ANO3: variants seen among roughly 807,000 people sequenced by gnomAD.
ANO3 encodes the protein anoctamin 3.
ANO3 carries 99 observed loss-of-function variants against 144.8 expected under a neutral mutation model. That is an observed-to-expected ratio of 0.68 (90% CI 0.58 to 0.81). The LOEUF is 0.81. Among genes scored for constraint, ANO3 ranks in the 30% least tolerant of loss-of-function variants. ANO3 has a pLI of 0.00. For synonymous variants in ANO3, 414 were observed against 392.6 expected (o/e 1.05, Z -0.64); for missense variants, 905 against 1,202.2 (o/e 0.75, Z 3.66).
intron 18 of ANO3, among the ~76,000 whole-genome samples, chr11:26,625,615 T>A (rs1852559280): frequency 6.6e-6 from 1 of 152,202 alleles, no homozygotes; most frequent in African/African-American, 2.4e-5. Flanking sequence ...CTTATTTTTT[T>A]ACATACTTTT....
intron 18 of ANO3, among the ~76,000 whole-genome samples, chr11:26,631,645 G>A (rs1245748026): frequency 6.6e-6 from 1 of 152,172 alleles, no homozygotes; most frequent in East Asian, 1.9e-4. Flanking sequence ...GCTGAAAAAT[G>A]ACTGACACTT....
At chr11:26,295,332 C>G (rs890160852) in intron 1 of ANO3, among the ~76,000 whole-genome samples, 1 of 151,560 alleles carries the variant, frequency 6.6e-6, no homozygotes, top group Admixed American at 6.6e-5. Flanking sequence ...TCCTGGCTAA[C>G]ACGGTAAAAC....
intron 1 of ANO3, among the ~76,000 whole-genome samples, chr11:26,264,935 C>T (rs1395670676): frequency 1.3e-5 from 2 of 151,576 alleles, no homozygotes; most frequent in Non-Finnish European, 2.9e-5. Context: ...CACAATCAGC[C>T]CAAAACACTC....
Position 26,245,018 on chromosome 11 carries a change from T to TGCAC in ANO3, c.154+55689_154+55690insCACG, listed in dbSNP as rs1554928313. On this transcript the variant is annotated intron_variant, in intron 1 of 27. Transcript: ENST00000672621. ...GTGTGTGTGTGTGTGTGTGTGTGTG[T>TGCAC]GTGCATGCATGCATTTGTCTTTCAT... 1.4e-3 allele frequency among the ~76,000 whole-genome samples: 202 copies of TGCAC among 145,426 alleles called. 1 individual carries two copies. The highest frequency in any genetic ancestry group is 4.8e-3 in the African/African-American group (188 of 39,540).
At position 26,439,266 on chromosome 11, in the gene ANO3, T is replaced by C. The variant is rs544692060; in HGVS notation, c.47-2652T>C. On this transcript the variant is annotated intron_variant, in intron 1 of 26. Transcript: ENST00000256737. Reference sequence around the variant, plus strand: ...ATCTTCATGACCTTGAATTAGATAATGGTTTCATAGATACAGCACCTAAAG... The same window carrying C: ...ATCTTCATGACCTTGAATTAGATAACGGTTTCATAGATACAGCACCTAAAG... Among the ~76,000 whole-genome samples the C allele has an allele frequency of 2.6e-5, 4 of 152,228 alleles. No homozygotes were observed. The South Asian group carries it at 6.2e-4, about 24-fold the overall frequency.
intron 24 of ANO3, among the ~76,000 whole-genome samples, chr11:26,649,096 T>G (rs1206074092): frequency 6.6e-6 from 1 of 152,216 alleles, no homozygotes; most frequent in Non-Finnish European, 1.5e-5. Context: ...TTTTAAAATT[T>G]TATAATAAAT....
intron 14 of ANO3, among the ~76,000 whole-genome samples, chr11:26,590,612 G>T (rs1270408625): frequency 6.6e-6 from 1 of 152,210 alleles, no homozygotes; most frequent in Non-Finnish European, 1.5e-5. Context: ...TCTATTAGAA[G>T]CCGTGGGTCA....
rs1254193553 is a variant in ANO3, at chr11:26,463,149, G to C, written c.432+1G>C. 2 of 1,452,414 alleles carry C rather than the reference G, an allele frequency of 1.4e-6. No individual in the cohort carries two copies. Among genetic ancestry groups the C allele is most frequent in the East Asian group, 2.3e-5 (1 of 43,286 alleles). The allele number at this position is 1,452,414 out of a possible 1,614,324, so 90.0% of individuals were successfully genotyped here. A position where few individuals can be genotyped will look rare whatever the true frequency, so the allele number is the denominator to read the frequency against. ...TGAATTCAAGACAAAATTATCTAAG[G>C]TAATGAGAACTAAATTATCAATAAG... On this transcript the variant is annotated splice_donor_variant, in intron 4 of 26. Transcript: ENST00000256737. LOFTEE classifies it high-confidence loss of function.
At chr11:26,206,464 A>T (rs977448234) in intron 1 of ANO3, among the ~76,000 whole-genome samples, 1 of 152,158 alleles carries the variant, frequency 6.6e-6, no homozygotes, top group Non-Finnish European at 1.5e-5. Context: ...TTTCCTTCCT[A>T]GACAATGTCA....
chr11:26,275,721 G>A (rs941368078), intron 1 of ANO3, among the ~76,000 whole-genome samples: 1 of 152,130 alleles, frequency 6.6e-6, no homozygotes, highest in Non-Finnish European at 1.5e-5. Context: ...AGATTTCAAG[G>A]TGGTGTTGAA....
intron 1 of ANO3, among the ~76,000 whole-genome samples, chr11:26,205,297 T>C (rs2133916050): frequency 6.6e-6 from 1 of 152,308 alleles, no homozygotes; most frequent in South Asian, 2.1e-4. Flanking sequence ...CTCATTTGCA[T>C]CCTGTTAGAC....
At chr11:26,407,505 T>A (rs1857320309) in intron 1 of ANO3, among the ~76,000 whole-genome samples, 1 of 151,802 alleles carries the variant, frequency 6.6e-6, no homozygotes. Context: ...TATAAACTTT[T>A]ATTGAATCTG....
chr11:26,475,349 C>T (rs552598416), intron 4 of ANO3, among the ~76,000 whole-genome samples: 87 of 151,996 alleles, frequency 5.7e-4, no homozygotes, highest in Middle Eastern at 3.4e-3. Flanking sequence ...ATCTGAAGTC[C>T]AATTTGAAAA....
intron 12 of ANO3, among the ~76,000 whole-genome samples, chr11:26,551,952 C>A (rs1436477055): frequency 2.0e-5 from 3 of 151,952 alleles, no homozygotes; most frequent in African/African-American, 7.2e-5. Flanking sequence ...TAAATTATTA[C>A]TTGATAGAAA....
intron 17 of ANO3, among the ~76,000 whole-genome samples, chr11:26,613,181 T>C (rs1852150341): frequency 6.6e-6 from 1 of 152,176 alleles, no homozygotes. Flanking sequence ...ACACTTTCTT[T>C]ATTCTTATTT....
At chr11:26,229,950 C>T (rs1362431076) in intron 1 of ANO3, among the ~76,000 whole-genome samples, 1 of 152,048 alleles carries the variant, frequency 6.6e-6, no homozygotes, top group Non-Finnish European at 1.5e-5. Flanking sequence ...TCATTGTCAC[C>T]CTCTGATCCT....
chr11:26,332,448 A>AT, intron 1 of ANO3, 127 bp downstream of exon 1: 1 of 875,212 alleles, frequency 1.1e-6, no homozygotes, highest in Non-Finnish European at 1.8e-6. Context: ...TGAAGTTAAA[A>AT]AAAAAAAAAA....
chr11:26,655,903 G>T (rs756880011), intron 24 of ANO3, among the ~76,000 whole-genome samples: 2 of 151,934 alleles, frequency 1.3e-5, no homozygotes, highest in African/African-American at 2.4e-5. Context: ...CAGATGAAAA[G>T]GCAAGATAGG....
chr11:26,330,012 A>G (rs1281861290), upstream of ANO3, among the ~76,000 whole-genome samples: 1 of 152,190 alleles, frequency 6.6e-6, no homozygotes, highest in Non-Finnish European at 1.5e-5. Flanking sequence ...CCTGCTGACC[A>G]GGGATTGAAT....
Sources: gnomAD v4.1 joint callset for allele counts (sites outside exome capture counted in the v4.1 genomes callset) on GRCh38, gnomAD v4.1.1 for gene constraint, MANE v1.5 for transcripts, NCBI Gene and HGNC (gene_info 2026-07-23, HGNC 2026-07-21) for gene names.